The following KCNIP4 variants were observed in gnomAD, a reference collection of about 807,000 sequenced individuals.
The protein encoded by KCNIP4 is potassium voltage-gated channel interacting protein 4, also known as Kv channel-interacting protein 4.
In KCNIP4, 12 loss-of-function variants were observed where a neutral mutation model predicts 34.0. The observed-to-expected ratio is 0.35, with a 90% CI of 0.23 to 0.57. The LOEUF (loss-of-function observed/expected upper bound fraction) is 0.57, where lower values mean the gene tolerates loss of function less well. Among genes scored for constraint, KCNIP4 ranks in the 20% least tolerant of loss-of-function variants. The pLI is 0.83. For synonymous variants in KCNIP4, 124 were observed against 102.2 expected (o/e 1.21, Z -1.29); for missense variants, 238 against 311.7 (o/e 0.76, Z 1.78).
At chr4:21,149,218 T>A (rs1359064103) in intron 1 of KCNIP4, among the ~76,000 whole-genome samples, 2 of 152,226 alleles carry the variant, frequency 1.3e-5, no homozygotes, top group African/African-American at 4.8e-5. Context: ...AGCAAAACCC[T>A]GATATTCTTT....
intron 1 of KCNIP4, among the ~76,000 whole-genome samples, chr4:21,278,276 G>A (rs892300243): frequency 2.0e-5 from 3 of 152,110 alleles, no homozygotes; most frequent in Non-Finnish European, 4.4e-5. Flanking sequence ...TGTCACAGGA[G>A]TTTGTTGCAC....
chr4:21,303,149 T>C (rs1325510883), intron 1 of KCNIP4, among the ~76,000 whole-genome samples: 2 of 152,192 alleles, frequency 1.3e-5, no homozygotes, highest in African/African-American at 2.4e-5. Context: ...AAAGAGGTGA[T>C]TGATAAGGAG....
chr4:20,933,248 GA>G (rs929189522), intron 1 of KCNIP4, among the ~76,000 whole-genome samples: 2 of 150,714 alleles, frequency 1.3e-5, no homozygotes, highest in Admixed American at 6.6e-5. Context: ...TGTCTCAAAA[GA>G]AAAAAAATAT....
chr4:21,928,781 G>A (rs536272761), intron 1 of KCNIP4, among the ~76,000 whole-genome samples: 1 of 152,034 alleles, frequency 6.6e-6, no homozygotes, highest in Admixed American at 6.6e-5. Flanking sequence ...TTCGCAGAAT[G>A]CAAATCCGTT....
At chr4:21,534,217 CTAAT>C (rs373352253) in intron 1 of KCNIP4, among the ~76,000 whole-genome samples, 255 of 152,244 alleles carry the variant, frequency 1.7e-3, no homozygotes, top group Admixed American at 3.6e-3. Context: ...AATGTTAGCT[CTAAT>C]TATTTCTGTG....
chr4:20,916,949 C>T (rs4697196), intron 1 of KCNIP4, among the ~76,000 whole-genome samples: 89,078 of 112,946 alleles, frequency 0.79, 35,604 homozygotes, highest in East Asian at 0.86. Context: ...CATATTTTTT[C>T]CTTTTTTGGT....
At chr4:21,811,669 T>C (rs947608389) in intron 1 of KCNIP4, among the ~76,000 whole-genome samples, 6 of 152,174 alleles carry the variant, frequency 3.9e-5, no homozygotes, top group Admixed American at 2.0e-4. Flanking sequence ...GAGTGGCATA[T>C]TTGTTTTTCT....
intron 1 of KCNIP4, among the ~76,000 whole-genome samples, chr4:21,771,315 C>A (rs1718770770): frequency 6.6e-6 from 1 of 152,160 alleles, no homozygotes; most frequent in African/African-American, 2.4e-5. Context: ...TGTTTTGGTA[C>A]AAGTACCATG....
intron 1 of KCNIP4, among the ~76,000 whole-genome samples, chr4:21,045,566 C>G (rs1742359144): frequency 6.6e-6 from 1 of 152,182 alleles, no homozygotes; most frequent in Non-Finnish European, 1.5e-5. Context: ...TTGCTGACAA[C>G]TCTCTTGGTT....
chr4:21,130,510 C>T (rs999099688), intron 1 of KCNIP4, among the ~76,000 whole-genome samples: 9 of 152,180 alleles, frequency 5.9e-5, no homozygotes, highest in African/African-American at 1.7e-4. Context: ...TCATGCTAAT[C>T]CACAATAGAT....
At chr4:21,546,023 T>C (rs1379704310) in intron 1 of KCNIP4, among the ~76,000 whole-genome samples, 1 of 152,120 alleles carries the variant, frequency 6.6e-6, no homozygotes, top group Non-Finnish European at 1.5e-5. Flanking sequence ...CTTTACTCTA[T>C]GGACTTGCCT....
At chr4:21,890,326 T>C (rs1235041994) in intron 1 of KCNIP4, among the ~76,000 whole-genome samples, 11 of 152,104 alleles carry the variant, frequency 7.2e-5, no homozygotes, top group Admixed American at 6.6e-4. Flanking sequence ...ATCCCCAGCA[T>C]AATTCTTTCT....
chr4:21,612,231 T>C (rs1301519367), intron 1 of KCNIP4, among the ~76,000 whole-genome samples: 1 of 152,192 alleles, frequency 6.6e-6, no homozygotes, highest in Non-Finnish European at 1.5e-5. Context: ...CACTGAAATA[T>C]TATGTGCATT....
At chr4:21,673,206 C>A (rs968857786) in intron 1 of KCNIP4, among the ~76,000 whole-genome samples, 62 of 152,112 alleles carry the variant, frequency 4.1e-4, no homozygotes, top group Non-Finnish European at 6.8e-4. Context: ...GTGCTTTTCA[C>A]AAATAAAACA....
intron 1 of KCNIP4, among the ~76,000 whole-genome samples, chr4:21,158,875 T>A (rs897978211): frequency 6.6e-6 from 1 of 152,252 alleles, no homozygotes; most frequent in South Asian, 2.1e-4. Flanking sequence ...TAAATTCCAA[T>A]GAAATCTACA....
At chr4:21,082,055 C>G (rs1746051465) in intron 1 of KCNIP4, among the ~76,000 whole-genome samples, 1 of 151,828 alleles carries the variant, frequency 6.6e-6, no homozygotes, top group Non-Finnish European at 1.5e-5. Flanking sequence ...GAGGTCTATT[C>G]TTTTTAGTGG....
chr4:20,741,242 C>T (rs1379139272), intron 5 of KCNIP4, among the ~76,000 whole-genome samples: 1 of 152,198 alleles, frequency 6.6e-6, no homozygotes, highest in Non-Finnish European at 1.5e-5. Context: ...CTACAGAACT[C>T]TCCACCCCAA....
At chr4:21,313,105 A>G (rs1422543499) in intron 1 of KCNIP4, among the ~76,000 whole-genome samples, 2 of 152,234 alleles carry the variant, frequency 1.3e-5, no homozygotes, top group Non-Finnish European at 2.9e-5. Context: ...GTAACAAAAG[A>G]CACAAAGTTG....
rs181460281 is a variant in KCNIP4, at chr4:20,744,564, A to C, written c.429+5098T>G. On this transcript the variant is annotated intron_variant, in intron 5 of 8. Coordinates refer to ENST00000382152, the MANE Select transcript of KCNIP4 (RefSeq NM_025221.6). ...TTCTCACTCATAGGTGGGAATTGAA[A>C]AATGAGAACACTTGGACATAGGATG... Among the ~76,000 whole-genome samples the C allele has an allele frequency of 2.3e-3, 356 of 152,128 alleles. 8 individuals are homozygous for C. The South Asian group carries it at 0.047, about 20-fold the overall frequency.
Sources: allele counts gnomAD v4.1 joint callset (sites outside exome capture counted in the v4.1 genomes callset), GRCh38; gene constraint gnomAD v4.1.1; transcripts MANE v1.5; gene names NCBI Gene and HGNC (gene_info 2026-07-23, HGNC 2026-07-21).